The following SLC25A13 variants were observed in gnomAD, a reference collection of about 807,000 sequenced individuals.
SLC25A13 encodes electrogenic aspartate/glutamate antiporter SLC25A13, mitochondrial.
A neutral mutation model predicts 85.5 loss-of-function variants in SLC25A13; 70 were observed. The observed-to-expected ratio is 0.82, with a 90% CI of 0.68 to 1.00. The LOEUF is 1.00. SLC25A13 is among the 50% of genes least tolerant of loss of function. The pLI is 0.00. For missense variants in SLC25A13, 765 were observed against 819.8 expected (o/e 0.93, Z 0.82); for synonymous variants, 259 against 288.7 (o/e 0.90, Z 1.04).
intron 13 of SLC25A13, among the ~76,000 whole-genome samples, chr7:96,159,653 G>C (rs1189676452): frequency 1.3e-5 from 2 of 152,110 alleles, no homozygotes; most frequent in East Asian, 3.8e-4. Context: ...TAGACTGTCT[G>C]ACCAAATGCA....
chr7:96,257,923 C>A (rs1399474221), intron 3 of SLC25A13, among the ~76,000 whole-genome samples: 2 of 152,144 alleles, frequency 1.3e-5, no homozygotes, highest in African/African-American at 4.8e-5. Flanking sequence ...ACGTGATAAT[C>A]AATAAACGTA....
chr7:96,220,804 C>A (rs1203981677), intron 4 of SLC25A13, among the ~76,000 whole-genome samples: 1 of 152,072 alleles, frequency 6.6e-6, no homozygotes, highest in African/African-American at 2.4e-5. Context: ...CACAAACACA[C>A]AGGTGCACAT....
chr7:96,289,585 C>T (rs1318855228), intron 2 of SLC25A13, among the ~76,000 whole-genome samples: 1 of 152,148 alleles, frequency 6.6e-6, no homozygotes, highest in East Asian at 1.9e-4. Flanking sequence ...GAGCTGAAAA[C>T]CATGGCACAA....
At chr7:96,132,345 T>C (rs896308166) in intron 14 of SLC25A13, among the ~76,000 whole-genome samples, 15 of 152,210 alleles carry the variant, frequency 9.9e-5, no homozygotes, top group African/African-American at 3.6e-4. Context: ...ACGTTTGGAC[T>C]GTTTCCCAGA....
chr7:96,249,511 C>T (rs1797330739), intron 3 of SLC25A13, among the ~76,000 whole-genome samples: 1 of 152,202 alleles, frequency 6.6e-6, no homozygotes, highest in Middle Eastern at 3.2e-3. Flanking sequence ...TTATTTTGCT[C>T]ATGGAAGAAC....
intron 3 of SLC25A13, among the ~76,000 whole-genome samples, chr7:96,274,483 C>G (rs2116931098): frequency 6.6e-6 from 1 of 152,246 alleles, no homozygotes. Context: ...ATGGTAGTTT[C>G]TTTTGCTGTG....
chr7:96,208,662 C>T (rs1053395182), intron 5 of SLC25A13, among the ~76,000 whole-genome samples, 176 bp downstream of exon 5: 5 of 152,026 alleles, frequency 3.3e-5, no homozygotes, highest in African/African-American at 1.2e-4. Flanking sequence ...CCGGCCACCA[C>T]GCCTGGCTAA....
intron 2 of SLC25A13, among the ~76,000 whole-genome samples, chr7:96,290,210 C>T (rs1799061062): frequency 6.6e-6 from 1 of 152,154 alleles, no homozygotes; most frequent in African/African-American, 2.4e-5. Context: ...AAATACTTTA[C>T]AGACAAGCAA....
chr7:96,229,171 C>G (rs890774867), intron 4 of SLC25A13, among the ~76,000 whole-genome samples: 3 of 152,226 alleles, frequency 2.0e-5, no homozygotes, highest in Non-Finnish European at 4.4e-5. Flanking sequence ...CAGCTGGGCT[C>G]CTGAGTCGGG....
intron 3 of SLC25A13, among the ~76,000 whole-genome samples, chr7:96,243,796 G>C (rs1431427123): frequency 6.6e-6 from 1 of 152,128 alleles, no homozygotes; most frequent in Non-Finnish European, 1.5e-5. Context: ...CAAAGGGCAG[G>C]GAGACCTCGA....
chr7:96,143,235 A>C (rs142150886), intron 14 of SLC25A13, among the ~76,000 whole-genome samples: 69 of 152,330 alleles, frequency 4.5e-4, no homozygotes, highest in African/African-American at 1.6e-3. Flanking sequence ...GTTTCATTCC[A>C]TTCCTAAAGT....
chr7:96,120,984 G>A lies in SLC25A13; in HGVS notation c.*207C>T. On this transcript the variant is annotated 3_prime_UTR_variant, in exon 18 of 18. Coordinates refer to ENST00000265631, the MANE Select transcript of SLC25A13 (RefSeq NM_014251.3). ...ATGCAAACAAAGGTTTCTGGGCAGA[G>A]GGCCAAATAATAATTATGAATAATT... is the stretch of plus-strand genomic sequence containing the variant. The A allele has an allele frequency of 1.4e-6, 1 of 706,312 alleles. No homozygotes were observed. The highest frequency in any genetic ancestry group is 2.5e-6 in the Non-Finnish European group (1 of 399,232). 43.8% of individuals were successfully genotyped at this position (706,312 alleles called of 1,614,324 possible).
chr7:96,137,914 G>C (rs1046911352), intron 14 of SLC25A13, among the ~76,000 whole-genome samples: 2 of 152,124 alleles, frequency 1.3e-5, no homozygotes, highest in African/African-American at 4.8e-5. Flanking sequence ...CCTGATTCAC[G>C]AATCATTCAT....
chr7:96,229,509 C>T (rs754572760), intron 4 of SLC25A13, among the ~76,000 whole-genome samples: 62 of 152,268 alleles, frequency 4.1e-4, no homozygotes, highest in Middle Eastern at 3.4e-3. Flanking sequence ...TCCCCTTCCA[C>T]GCTGTGGAAG....
At chr7:96,181,567 C>T (rs751840411) in intron 11 of SLC25A13, among the ~76,000 whole-genome samples, 17 of 145,880 alleles carry the variant, frequency 1.2e-4, no homozygotes, top group Non-Finnish European at 2.4e-4. Flanking sequence ...ACAAAAACAC[C>T]TTCTTTGAGG....
intron 9 of SLC25A13, 21 bp from the exon 10 acceptor site, chr7:96,185,032 T>C (rs1794576361): frequency 6.3e-7 from 1 of 1,597,302 alleles, no homozygotes; most frequent in African/African-American, 1.3e-5. Context: ...TGCACAGGAA[T>C]CAGAGAGCAG....
At chr7:96,291,767 G>C (rs573681291) in intron 2 of SLC25A13, among the ~76,000 whole-genome samples, 18 of 152,288 alleles carry the variant, frequency 1.2e-4, no homozygotes, top group Non-Finnish European at 2.2e-4. Flanking sequence ...AACAGGATCT[G>C]AAATTGAGGC....
In SLC25A13 at chr7:96,121,103, A is replaced by T; in HGVS notation, c.*88T>A. ...GAATTTAAACAAGAGATGGACGTAA[A>T]AGGGATGAAGCATTGCTTCATTCCC... is the stretch of plus-strand genomic sequence containing the variant. On this transcript the variant is annotated 3_prime_UTR_variant, in exon 18 of 18. Transcript: ENST00000265631. 2.2e-6 allele frequency: 3 copies of T among 1,387,150 alleles called. No individual in the cohort carries two copies. Among genetic ancestry groups the T allele is most frequent in the Non-Finnish European group, 2.1e-6 (2 of 975,246 alleles). 85.9% of individuals were successfully genotyped at this position (1,387,150 alleles called of 1,614,324 possible).
chr7:96,151,090 G>A (rs1265345495), intron 13 of SLC25A13, among the ~76,000 whole-genome samples: 3 of 152,176 alleles, frequency 2.0e-5, no homozygotes, highest in Non-Finnish European at 4.4e-5. Flanking sequence ...GGACTACAGT[G>A]TGATTAGGAT....
Sources: gnomAD v4.1 joint callset for allele counts (sites outside exome capture counted in the v4.1 genomes callset) on GRCh38, gnomAD v4.1.1 for gene constraint, MANE v1.5 for transcripts, NCBI Gene and HGNC (gene_info 2026-07-23, HGNC 2026-07-21) for gene names.